The following EFCAB14 variants were observed in gnomAD, a reference collection of about 807,000 sequenced individuals.
The protein encoded by EFCAB14 is EF-hand calcium binding domain 14, also known as EF-hand calcium-binding domain-containing protein 14.
In EFCAB14, 43 loss-of-function variants were observed where a neutral mutation model predicts 56.5. The ratio of observed to expected loss-of-function variants is 0.76; its 90% CI spans 0.60 to 0.98. The LOEUF (loss-of-function observed/expected upper bound fraction) is 0.98, where lower values mean the gene tolerates loss of function less well. EFCAB14 is among the 50% of genes least tolerant of loss of function. The pLI is 0.00. For synonymous variants in EFCAB14, 235 were observed against 212.9 expected (o/e 1.10, Z -0.90); for missense variants, 538 against 580.3 (o/e 0.93, Z 0.75).
intron 3 of EFCAB14, 152 bp from the exon 4 acceptor site, chr1:46,696,801 T>C (rs556973946): frequency 1.5e-6 from 1 of 667,462 alleles, no homozygotes; most frequent in African/African-American, 1.8e-5. Flanking sequence ...AAGGAGACAG[T>C]ACTTTGGATA....
At chr1:46,689,733 A>G (rs1676960471) in intron 5 of EFCAB14, 42 bp from the exon 6 acceptor site, 2 of 1,539,664 alleles carry the variant, frequency 1.3e-6, no homozygotes. Context: ...ACAAGGAATT[A>G]TTAGGTCTAC....
At chr1:46,716,939 T>C (rs965835108) in intron 1 of EFCAB14, among the ~76,000 whole-genome samples, 47 of 152,356 alleles carry the variant, frequency 3.1e-4, no homozygotes, top group Admixed American at 2.8e-3. Flanking sequence ...AGTGGACACC[T>C]GGTGTATTCT....
intron 3 of EFCAB14, among the ~76,000 whole-genome samples, chr1:46,701,462 C>T (rs904753174): frequency 3.3e-5 from 5 of 152,218 alleles, no homozygotes; most frequent in African/African-American, 1.2e-4. Flanking sequence ...CTGGCCAGAT[C>T]CTAAAGGAAG....
intron 4 of EFCAB14, among the ~76,000 whole-genome samples, chr1:46,693,973 T>C (rs570041925): frequency 1.3e-5 from 2 of 151,924 alleles, no homozygotes; most frequent in East Asian, 3.9e-4. Flanking sequence ...AAACAAAAAA[T>C]GGGAAAGGAT....
At position 46,675,382 on chromosome 1, in the gene EFCAB14, C is replaced by T. The variant is rs538161537; in HGVS notation, c.*3079G>A. 38 of 152,702 alleles carry T rather than the reference C, an allele frequency of 2.5e-4. No individual in the cohort carries two copies. Among genetic ancestry groups the T allele is most frequent in the Admixed American group, 1.6e-3 (24 of 15,302 alleles). 9.5% of individuals were successfully genotyped at this position (152,702 alleles called of 1,614,324 possible). On this transcript the variant is annotated 3_prime_UTR_variant, in exon 11 of 11. Transcript: ENST00000371933. ...GGTTAGGTTCGTATAACAAACAATA[C>T]ACGCTCTATAAAGTCTCAGGAATAC...
intron 4 of EFCAB14, among the ~76,000 whole-genome samples, chr1:46,693,399 A>G (rs1191648921): frequency 1.3e-5 from 2 of 152,234 alleles, no homozygotes; most frequent in Non-Finnish European, 2.9e-5. Context: ...GAGATACAAT[A>G]AAGTTAGGTA....
intron 3 of EFCAB14, among the ~76,000 whole-genome samples, chr1:46,698,069 T>C (rs1021037434): frequency 6.6e-6 from 1 of 152,118 alleles, no homozygotes; most frequent in Non-Finnish European, 1.5e-5. Context: ...GCCAGGCTGG[T>C]CTTGAACTCC....
intron 2 of EFCAB14, among the ~76,000 whole-genome samples, chr1:46,712,255 T>C (rs1431163194): frequency 6.6e-6 from 1 of 152,216 alleles, no homozygotes; most frequent in Admixed American, 6.5e-5. Flanking sequence ...CTACTTTGTC[T>C]GTATGGCCAG....
chr1:46,703,574 T>C (rs1677191430), intron 3 of EFCAB14, among the ~76,000 whole-genome samples: 1 of 152,228 alleles, frequency 6.6e-6, no homozygotes, highest in Admixed American at 6.5e-5. Context: ...ACATGTATTT[T>C]TTCCATAGGG....
At chr1:46,689,723 A>G in intron 5 of EFCAB14, 32 bp from the exon 6 acceptor site, 1 of 1,582,120 alleles carries the variant, frequency 6.3e-7, no homozygotes, top group Non-Finnish European at 8.7e-7. Flanking sequence ...AGTGTAGGCA[A>G]CAAGGAATTA....
At chr1:46,685,079 A>C (rs1336298796) in intron 8 of EFCAB14, 2 of 152,766 alleles carry the variant, frequency 1.3e-5, no homozygotes, top group African/African-American at 4.8e-5. Context: ...GAACAAAAAC[A>C]AACCACAAGT....
intron 6 of EFCAB14, among the ~76,000 whole-genome samples, chr1:46,688,758 G>C (rs780757310): frequency 6.6e-6 from 1 of 152,194 alleles, no homozygotes; most frequent in Non-Finnish European, 1.5e-5. Context: ...GGGGGAAAGA[G>C]GGAAGAGGAC....
chr1:46,687,631 G>A (rs1676906593), intron 7 of EFCAB14, among the ~76,000 whole-genome samples: 1 of 152,102 alleles, frequency 6.6e-6, no homozygotes, highest in Non-Finnish European at 1.5e-5. Context: ...CTGTGTCTTT[G>A]CTATATGAAA....
intron 5 of EFCAB14, among the ~76,000 whole-genome samples, chr1:46,689,977 T>C (rs538593731): frequency 1.3e-5 from 2 of 152,320 alleles, no homozygotes; most frequent in South Asian, 4.1e-4. Flanking sequence ...AAACCATTTC[T>C]CCTTTGCCCC....
intron 2 of EFCAB14, among the ~76,000 whole-genome samples, chr1:46,711,530 T>C (rs187952918): frequency 6.6e-6 from 1 of 152,282 alleles, no homozygotes; most frequent in African/African-American, 2.4e-5. Flanking sequence ...ACAATGATTA[T>C]CTGGTTTGGA....
chr1:46,704,496 A>AT (rs1215623011), intron 3 of EFCAB14, among the ~76,000 whole-genome samples: 2 of 151,266 alleles, frequency 1.3e-5, no homozygotes, highest in Non-Finnish European at 3.0e-5. Context: ...AAAAAAAAAA[A>AT]AAGGTCAGAG....
intron 3 of EFCAB14, among the ~76,000 whole-genome samples, chr1:46,704,417 CAG>C (rs1021482731): frequency 3.6e-4 from 51 of 140,762 alleles, no homozygotes; most frequent in African/African-American, 1.3e-3. Context: ...CGAGGCTGCA[CAG>C]TGAGCTGTGA....
At chr1:46,689,464 C>T (rs1309419276) in intron 6 of EFCAB14, 123 bp downstream of exon 6, 2 of 855,278 alleles carry the variant, frequency 2.3e-6, no homozygotes, top group Non-Finnish European at 3.8e-6. Flanking sequence ...CTCTGCTCAG[C>T]TCCCAGGCAG....
At position 46,695,220 on chromosome 1, in the gene EFCAB14, T is replaced by TA. The variant is rs138365089; in HGVS notation, c.579+1330dup. Among the ~76,000 whole-genome samples, 1,030 of 152,058 alleles carry TA rather than the reference T, an allele frequency of 6.8e-3. 7 individuals carry two copies. Among genetic ancestry groups the TA allele is most frequent in the Non-Finnish European group, 0.011 (748 of 67,956 alleles). The stretch of plus-strand genomic sequence containing the variant: ...ATGTACCCTAGAACTTAAAGTGTAA[T>TA]AAAAAAAAGAATAAACCAGTTTCCT... On this transcript the variant is annotated intron_variant, in intron 4 of 10. Transcript: ENST00000371933.
Sources: gnomAD v4.1 joint callset for allele counts (sites outside exome capture counted in the v4.1 genomes callset) on GRCh38, gnomAD v4.1.1 for gene constraint, MANE v1.5 for transcripts, NCBI Gene and HGNC (gene_info 2026-07-23, HGNC 2026-07-21) for gene names.